GRIA4: variants seen among roughly 807,000 people sequenced by gnomAD.
The protein encoded by GRIA4 is glutamate receptor 4.
GRIA4 carries 34 observed loss-of-function variants against 104.0 expected under a neutral mutation model. The observed-to-expected ratio is 0.33, with a 90% confidence interval of 0.25 to 0.44. GRIA4 has a LOEUF of 0.44. Among genes scored for constraint, GRIA4 ranks in the 20% least tolerant of loss-of-function variants. The pLI is 1.00. For missense variants in GRIA4, 750 were observed against 1,096.5 expected, an observed-to-expected ratio of 0.68 and a Z score of 4.46; for synonymous variants, 386 against 381.9, an observed-to-expected ratio of 1.01 and a Z score of -0.13.
At chr11:105,921,927 A>C (rs973739243) in intron 11 of GRIA4, among the ~76,000 whole-genome samples, 1 of 152,084 alleles carries the variant, frequency 6.6e-6, no homozygotes, top group Non-Finnish European at 1.5e-5. Flanking sequence ...TAGGAAAATG[A>C]TTTTTCTAGA....
rs150923757 is a variant in GRIA4 at position 105,702,690 on chromosome 11, C to CTTTTTTTTTTTTTTTTTTTTTTT, written c.248-50288_248-50287insTTTTTTTTTTTTTTTTTTTTTTT. Among the ~76,000 whole-genome samples the CTTTTTTTTTTTTTTTTTTTTTTT allele has an allele frequency of 1.0e-4, 10 of 96,074 alleles. 5 individuals carry two copies. Among genetic ancestry groups the CTTTTTTTTTTTTTTTTTTTTTTT allele is most frequent in the African/African-American group, 2.5e-4 (6 of 24,354 alleles). The allele number at this position is 96,074 out of a possible 152,430, so 63.0% of individuals were successfully genotyped here. A position where few individuals can be genotyped will look rare whatever the true frequency, so the allele number is the denominator to read the frequency against. On this transcript the variant is annotated intron_variant, in intron 3 of 16. Transcript: ENST00000282499. ...TTATAAGATATGCAAAATTATTTTC[C>CTTTTTTTTTTTTTTTTTTTTTTT]TTTCTTTTTTTTTTTTTTTTTTTTG...
At chr11:105,630,197 A>G (rs1950996846) in intron 3 of GRIA4, among the ~76,000 whole-genome samples, 1 of 152,186 alleles carries the variant, frequency 6.6e-6, no homozygotes. Context: ...GAATGACTGG[A>G]ATGCTATTGT....
intron 4 of GRIA4, among the ~76,000 whole-genome samples, chr11:105,843,737 C>T (rs569601302): frequency 2.0e-5 from 3 of 152,234 alleles, no homozygotes; most frequent in East Asian, 1.9e-4. Context: ...AGTGCTGGGA[C>T]GATCGTATGT....
chr11:105,867,571 C>T (rs1035320243), intron 5 of GRIA4, among the ~76,000 whole-genome samples: 3 of 152,142 alleles, frequency 2.0e-5, no homozygotes, highest in Non-Finnish European at 2.9e-5. Flanking sequence ...GAGCTGAAGG[C>T]TTAAACAGCC....
In GRIA4 at chr11:105,655,872, G is replaced by A. The variant is rs537835681; in HGVS notation, c.247+43438G>A. Among the ~76,000 whole-genome samples the A allele has an allele frequency of 3.9e-5, 6 of 152,112 alleles. No individual in the cohort carries two copies. The East Asian group carries it at 9.7e-4, about 25-fold the overall frequency. On this transcript the variant is annotated intron_variant, in intron 3 of 16. Coordinates refer to ENST00000282499, the MANE Select transcript of GRIA4 (RefSeq NM_000829.4). ...CAGTAATGGTATTGCTGGGTCAAAT[G>A]GTATTTCTATTTCTAGATCCTTGAG...
chr11:105,953,947 A>AC (rs1948522698), intron 14 of GRIA4, among the ~76,000 whole-genome samples: 1 of 152,160 alleles, frequency 6.6e-6, no homozygotes, highest in South Asian at 2.1e-4. Flanking sequence ...ACTAAGCAGG[A>AC]CTCAAGGCTA....
chr11:105,930,295 T>C (rs927488840), intron 13 of GRIA4, among the ~76,000 whole-genome samples: 3 of 152,088 alleles, frequency 2.0e-5, no homozygotes, highest in Non-Finnish European at 2.9e-5. Context: ...TATGATCTTA[T>C]CAGAATCAGA....
At chr11:105,746,667 T>A (rs997596056) in intron 3 of GRIA4, among the ~76,000 whole-genome samples, 1 of 152,154 alleles carries the variant, frequency 6.6e-6, no homozygotes, top group African/African-American at 2.4e-5. Flanking sequence ...ATGGATTCTA[T>A]AACATTAGCA....
chr11:105,642,197 T>C (rs998257390), intron 3 of GRIA4, among the ~76,000 whole-genome samples: 3 of 152,058 alleles, frequency 2.0e-5, no homozygotes, highest in Admixed American at 2.0e-4. Flanking sequence ...TGCAGAAGCT[T>C]TAGAGGCACA....
chr11:105,688,689 T>C (rs1952980769), intron 3 of GRIA4, among the ~76,000 whole-genome samples: 1 of 152,218 alleles, frequency 6.6e-6, no homozygotes, highest in Non-Finnish European at 1.5e-5. Context: ...ACATAAGGGT[T>C]AATGAAATAG....
chr11:105,861,531 C>A (rs1402927534), intron 4 of GRIA4, among the ~76,000 whole-genome samples: 1 of 151,920 alleles, frequency 6.6e-6, no homozygotes, highest in Admixed American at 6.6e-5. Context: ...AATAAAGCAC[C>A]GAGAATAATG....
intron 3 of GRIA4, among the ~76,000 whole-genome samples, chr11:105,691,903 G>C (rs4755109): frequency 0.99 from 143,359 of 145,348 alleles, 70,736 homozygotes; most frequent in Middle Eastern, 1. Flanking sequence ...CCATCGCACT[G>C]TAGCGTGGGC....
chr11:105,931,265 TAC>T (rs373334457), intron 13 of GRIA4, among the ~76,000 whole-genome samples: 39,733 of 143,278 alleles, frequency 0.28, 5,182 homozygotes, highest in Non-Finnish European at 0.3. Context: ...ATTGCCTAAA[TAC>T]ACACACACAC....
intron 4 of GRIA4, chr11:105,797,716 T>C (rs941993131): frequency 2.5e-6 from 1 of 401,984 alleles, no homozygotes; most frequent in African/African-American, 2.1e-5. Flanking sequence ...TGTTCATTTC[T>C]CTTTTGTAGG....
chr11:105,668,621 C>G (rs1952252675), intron 3 of GRIA4, among the ~76,000 whole-genome samples: 1 of 150,116 alleles, frequency 6.7e-6, no homozygotes, highest in African/African-American at 2.4e-5. Flanking sequence ...ACCCACCCAT[C>G]AGTATACAAA....
At chr11:105,960,963 A>G (rs1259719847) in intron 14 of GRIA4, among the ~76,000 whole-genome samples, 1 of 151,938 alleles carries the variant, frequency 6.6e-6, no homozygotes, top group Non-Finnish European at 1.5e-5. Flanking sequence ...GATGAGAGAG[A>G]GCCTGGATAC....
chr11:105,646,524 T>C (rs1951533368), intron 3 of GRIA4, among the ~76,000 whole-genome samples: 1 of 152,136 alleles, frequency 6.6e-6, no homozygotes, highest in South Asian at 2.1e-4. Flanking sequence ...TTTCAAACTA[T>C]ACTAAAACTG....
chr11:105,920,846 C>T (rs573412772), intron 11 of GRIA4, among the ~76,000 whole-genome samples: 61 of 152,272 alleles, frequency 4.0e-4, no homozygotes, highest in Non-Finnish European at 6.5e-4. Context: ...AAGGAATCTT[C>T]TTCCAGGTCT....
intron 3 of GRIA4, among the ~76,000 whole-genome samples, chr11:105,672,210 T>A (rs6591140): frequency 0.97 from 148,060 of 152,252 alleles, 72,091 homozygotes; most frequent in Non-Finnish European, 1. Context: ...AGGATTGCAT[T>A]CAATTAAAAT....
Sources: gnomAD v4.1 joint callset for allele counts (sites outside exome capture counted in the v4.1 genomes callset) on GRCh38, gnomAD v4.1.1 for gene constraint, MANE v1.5 for transcripts, NCBI Gene and HGNC (gene_info 2026-07-23, HGNC 2026-07-21) for gene names.